The following ABCB11 variants were observed in gnomAD, a reference collection of about 807,000 sequenced individuals.
ABCB11 encodes ATP binding cassette subfamily B member 11.
Under a neutral mutation model 148.0 loss-of-function variants are expected in ABCB11, and 95 were observed. The ratio of observed to expected loss-of-function variants is 0.64; its 90% CI spans 0.54 to 0.76. The LOEUF (loss-of-function observed/expected upper bound fraction) is 0.76. ABCB11 is among the 30% of genes least tolerant of loss of function. The pLI is 0.00. For missense variants in ABCB11, 1,523 were observed against 1,617.8 expected, an observed-to-expected ratio of 0.94 and a Z score of 1.01; for synonymous variants, 591 against 555.4, an observed-to-expected ratio of 1.06 and a Z score of -0.90.
intron 8 of ABCB11, 45 bp from the exon 9 acceptor site, chr2:168,990,970 T>C: frequency 6.3e-7 from 1 of 1,599,080 alleles, no homozygotes; most frequent in Non-Finnish European, 8.5e-7. Context: ...TCCAAGAAAT[T>C]AGGTAAGTCA....
intron 18 of ABCB11, among the ~76,000 whole-genome samples, chr2:168,961,352 A>G (rs2105941244): frequency 6.6e-6 from 1 of 151,852 alleles, no homozygotes; most frequent in East Asian, 2.0e-4. Context: ...CCTAATAATA[A>G]CTTTAAGATT....
At chr2:169,010,568 T>C (rs896690788) in intron 5 of ABCB11, among the ~76,000 whole-genome samples, 1 of 152,192 alleles carries the variant, frequency 6.6e-6, no homozygotes, top group African/African-American at 2.4e-5. Flanking sequence ...ATACATCTAT[T>C]GTAATAAAAG....
intron 7 of ABCB11, 86 bp downstream of exon 7, chr2:168,995,263 T>C: frequency 1.4e-6 from 2 of 1,443,378 alleles, no homozygotes; most frequent in Non-Finnish European, 1.9e-6. Context: ...AAACTGAAAA[T>C]ATTTTTAAAT....
chr2:168,967,739 G>C (rs569088046), intron 17 of ABCB11, among the ~76,000 whole-genome samples: 16 of 151,878 alleles, frequency 1.1e-4, no homozygotes, highest in Non-Finnish European at 2.4e-4. Flanking sequence ...AAACACTCCT[G>C]GGCAGAATTC....
intron 19 of ABCB11, among the ~76,000 whole-genome samples, 195 bp from the exon 20 acceptor site, chr2:168,945,156 G>A (rs540590271): frequency 2.6e-5 from 4 of 151,956 alleles, no homozygotes; most frequent in African/African-American, 7.2e-5. Flanking sequence ...TTCATTAATT[G>A]TAGGAAATGT....
intron 3 of ABCB11, among the ~76,000 whole-genome samples, chr2:169,014,765 C>G (rs1303819946): frequency 2.0e-5 from 3 of 152,172 alleles, no homozygotes; most frequent in Non-Finnish European, 4.4e-5. Context: ...AATATTACAA[C>G]TACATTAAAT....
intron 5 of ABCB11, among the ~76,000 whole-genome samples, chr2:168,997,699 G>C (rs1046715778): frequency 6.6e-6 from 1 of 151,880 alleles, no homozygotes; most frequent in African/African-American, 2.4e-5. Flanking sequence ...TTTGTGGCTT[G>C]AGCTTGATTT....
Position 168,944,881 on chromosome 2 carries a change from T to A in ABCB11, c.2424A>T (p.Val808=), listed in dbSNP as rs1374930420. Residue 808 remains valine, a synonymous_variant, in exon 20 of 28, where the codon GTA becomes GTT. Transcript: ENST00000650372. ...CCTGTAGAAATTGGGTGAAAAGAGA[T>A]ACACAGCCCATTGCTACAAAAAGTA... ...VCLLFVAMGC[V]SLFTQFLQGY... is the part of the protein sequence containing the mutation. 3 of 1,584,482 alleles carry A rather than the reference T, an allele frequency of 1.9e-6. No individual in the cohort carries two copies. Among genetic ancestry groups the A allele is most frequent in the Non-Finnish European group, 8.6e-7 (1 of 1,163,780 alleles).
At chr2:168,954,812 T>C (rs184032082) in intron 19 of ABCB11, among the ~76,000 whole-genome samples, 45 of 151,856 alleles carry the variant, frequency 3.0e-4, no homozygotes, top group African/African-American at 1.0e-3. Flanking sequence ...TTTTAAAATA[T>C]GTTTTCTAAA....
chr2:168,960,893 C>T (rs3755160), intron 18 of ABCB11, among the ~76,000 whole-genome samples: 47,046 of 151,612 alleles, frequency 0.31, 8,327 homozygotes, highest in South Asian at 0.55. Flanking sequence ...ACAAATCTCA[C>T]AGACAGGTAA....
intron 17 of ABCB11, among the ~76,000 whole-genome samples, 194 bp downstream of exon 17, chr2:168,968,233 C>G (rs2389613): frequency 6.6e-6 from 1 of 150,902 alleles, no homozygotes; most frequent in Non-Finnish European, 1.5e-5. Context: ...AGAAGCTAAC[C>G]AAAAACCCAT....
In ABCB11 at chr2:168,969,384, C is replaced by T. The variant is rs566358350; in HGVS notation, c.1977G>A (p.Gln659=). ...CCTCTTCATTAAGAGCTTGATTTCC[C>T]TGGCTTTGCAAAGTCACTAGAGTGA... ...VYFTLVTLQS[Q]GNQALNEEDI... is the part of the protein sequence containing the mutation. The change falls in exon 16 of 28, where the codon CAG becomes CAA. Residue 659 remains glutamine, a synonymous_variant. Coordinates refer to ENST00000650372, the MANE Select transcript of ABCB11 (RefSeq NM_003742.4). 17 of 1,612,256 alleles carry T rather than the reference C, an allele frequency of 1.1e-5. No individual in the cohort carries two copies. The highest frequency in any genetic ancestry group is 1.3e-5 in the Non-Finnish European group (15 of 1,179,146).
chr2:168,931,196 C>A (rs887219889), intron 24 of ABCB11, among the ~76,000 whole-genome samples: 1 of 152,068 alleles, frequency 6.6e-6, no homozygotes, highest in Non-Finnish European at 1.5e-5. Flanking sequence ...AGTAACTGTC[C>A]AAACCCTATA....
chr2:168,974,896 A>ATATACTTTATG (rs1693748435), intron 12 of ABCB11, among the ~76,000 whole-genome samples: 1 of 150,322 alleles, frequency 6.7e-6, no homozygotes. Context: ...GATAATAAAA[A>ATATACTTTATG]TATACTTTAT....
intron 1 of ABCB11, among the ~76,000 whole-genome samples, chr2:169,019,858 A>G (rs1573987363): frequency 6.6e-6 from 1 of 152,232 alleles, no homozygotes; most frequent in African/African-American, 2.4e-5. Flanking sequence ...TTAGAATTTT[A>G]CACTGAGCCA....
At chr2:169,007,211 A>G (rs1169477882) in intron 5 of ABCB11, among the ~76,000 whole-genome samples, 1 of 152,182 alleles carries the variant, frequency 6.6e-6, no homozygotes, top group Non-Finnish European at 1.5e-5. Context: ...TAATTACAGT[A>G]AATTGATTTT....
At chr2:168,999,560 AT>A (rs1225394095) in intron 5 of ABCB11, among the ~76,000 whole-genome samples, 34 of 152,058 alleles carry the variant, frequency 2.2e-4, no homozygotes, top group Admixed American at 1.3e-3. Flanking sequence ...CATTTCAAGA[AT>A]GTCATATAAA....
At chr2:168,959,271 C>A (rs951840440) in intron 18 of ABCB11, among the ~76,000 whole-genome samples, 5 of 151,694 alleles carry the variant, frequency 3.3e-5, no homozygotes, top group East Asian at 2.0e-4. Context: ...CTGCTCTCAC[C>A]ATTTGTACTT....
intron 5 of ABCB11, among the ~76,000 whole-genome samples, chr2:169,012,102 T>C (rs1443291901): frequency 6.6e-6 from 1 of 152,130 alleles, no homozygotes; most frequent in East Asian, 1.9e-4. Flanking sequence ...AGAGTGTCAA[T>C]GATTTAGAAG....
Sources: gnomAD v4.1 joint callset for allele counts (sites outside exome capture counted in the v4.1 genomes callset) on GRCh38, gnomAD v4.1.1 for gene constraint, MANE v1.5 for transcripts, NCBI Gene and HGNC (gene_info 2026-07-23, HGNC 2026-07-21) for gene names.